SCN9A: variants seen among roughly 807,000 people sequenced by gnomAD.
SCN9A encodes the protein sodium voltage-gated channel alpha subunit 9, also known as sodium channel protein type 9 subunit alpha.
A neutral mutation model predicts 187.0 loss-of-function variants in SCN9A; 131 were observed. The ratio of observed to expected loss-of-function variants is 0.70; its 90% CI spans 0.61 to 0.81. The LOEUF (loss-of-function observed/expected upper bound fraction) is 0.81. Among genes scored for constraint, SCN9A ranks in the 30% least tolerant of loss-of-function variants. SCN9A has a pLI of 0.00. For missense variants in SCN9A, 2,252 were observed against 2,396.6 expected (o/e 0.94, Z 1.26); for synonymous variants, 809 against 808.6 (o/e 1.00, Z -0.01).
Position 166,230,110 on chromosome 2 carries a change from G to A in SCN9A, c.3925-1138C>T, listed in dbSNP as rs191686421. ...TTTAGGCTTTGTGGGTTATATCTCC[G>A]TTGCAACTATTCAACTCTGCCATGG... On this transcript the variant is annotated intron_variant, in intron 21 of 26. Transcript: ENST00000642356. Among the ~76,000 whole-genome samples, 22 of 152,148 alleles carry A rather than the reference G, an allele frequency of 1.4e-4. No individual in the cohort carries two copies. The East Asian group carries it at 1.5e-3, about 11-fold the overall frequency.
At chr2:166,227,420 T>G (rs1157326353) in intron 23 of SCN9A, among the ~76,000 whole-genome samples, 5 of 152,144 alleles carry the variant, frequency 3.3e-5, no homozygotes, top group Non-Finnish European at 7.4e-5. Context: ...ACAAATAAAC[T>G]AAGTCTCAAG....
chr2:166,205,898 C>G (rs185022848), intron 24 of SCN9A, among the ~76,000 whole-genome samples: 2,119 of 152,244 alleles, frequency 0.014, 22 homozygotes, highest in Non-Finnish European at 0.021. Context: ...ATGCAGCCAA[C>G]AGACATATGA....
intron 24 of SCN9A, among the ~76,000 whole-genome samples, chr2:166,208,646 T>C (rs2106354302): frequency 1.3e-5 from 2 of 150,876 alleles, no homozygotes; most frequent in South Asian, 4.2e-4. Flanking sequence ...CATGAAATCA[T>C]TAGAGGTGAA....
intron 6 of SCN9A, chr2:166,303,912 ATAAT>A: frequency 9.5e-7 from 1 of 1,050,306 alleles, no homozygotes; most frequent in South Asian, 1.5e-5. Flanking sequence ...TTGACTTTTG[ATAAT>A]GATTGTGGAA....
At chr2:166,330,478 T>C (rs1308030695) in intron 1 of SCN9A, among the ~76,000 whole-genome samples, 8 of 152,240 alleles carry the variant, frequency 5.3e-5, no homozygotes, top group Non-Finnish European at 1.2e-4. Context: ...CATGTTGTTG[T>C]AAATACATCT....
In SCN9A at chr2:166,255,823, A is replaced by T. The variant is rs567292766; in HGVS notation, c.3352-3938T>A. On this transcript the variant is annotated intron_variant, in intron 17 of 26. Transcript: ENST00000642356. ...GGAGGAGATGGGTATAAAAGAGAAG[A>T]AAAATTATGGCAGACAGTGGTAAAC... Among the ~76,000 whole-genome samples, 12 of 150,616 alleles carry T rather than the reference A, an allele frequency of 8.0e-5. No individual in the cohort carries two copies. The South Asian group carries it at 2.5e-3, about 31-fold the overall frequency.
intron 1 of SCN9A, among the ~76,000 whole-genome samples, chr2:166,364,161 TAA>T (rs58184464): frequency 2.1e-5 from 3 of 145,542 alleles, no homozygotes; most frequent in Admixed American, 6.8e-5. Flanking sequence ...GGTTATTGTT[TAA>T]AAAAAAAAAA....
In SCN9A at chr2:166,284,929, T is replaced by C. The variant is rs1697671427; in HGVS notation, c.1603-105A>G. 8.2e-6 allele frequency: 10 copies of C among 1,225,600 alleles called. No homozygotes were observed. The Admixed American group carries it at 1.4e-4, about 18-fold the overall frequency. The allele number at this position is 1,225,600 out of a possible 1,614,324, so 75.9% of individuals were successfully genotyped here. On this transcript the variant is annotated intron_variant, in intron 11 of 26. Coordinates refer to ENST00000642356, the MANE Select transcript of SCN9A (RefSeq NM_001365536.1). ...ACTGGCCTGAGGGCAGGTGGCTCTG[T>C]ACTGACTTAAAAGAAACATACTTAA...
intron 9 of SCN9A, among the ~76,000 whole-genome samples, chr2:166,292,346 T>C (rs1698112044): frequency 6.6e-6 from 1 of 152,150 alleles, no homozygotes; most frequent in Non-Finnish European, 1.5e-5. Context: ...TTACCTCTGA[T>C]GAAAAATTAT....
At chr2:166,241,655 G>T (rs986021903) in intron 19 of SCN9A, among the ~76,000 whole-genome samples, 3 of 141,116 alleles carry the variant, frequency 2.1e-5, no homozygotes, top group Non-Finnish European at 4.6e-5. Context: ...ACCCTGAAAA[G>T]CACCATTTAC....
chr2:166,352,728 A>G (rs1214527410), intron 1 of SCN9A, among the ~76,000 whole-genome samples: 1 of 152,218 alleles, frequency 6.6e-6, no homozygotes, highest in Admixed American at 6.5e-5. Flanking sequence ...ATAAGAAGAT[A>G]TTGAGACTTC....
At chr2:166,199,974 AGTTTTTTTTTTTTTTTT>A in intron 26 of SCN9A, 110 bp from the exon 27 acceptor site, 5 of 97,554 alleles carry the variant, frequency 5.1e-5, no homozygotes, top group Non-Finnish European at 6.5e-5. Context: ...AATTCAAGAC[AGTTTTTTTTTTTTTTTT>A]TTTTTTTTTT....
chr2:166,320,715 C>A (rs1187388919), intron 1 of SCN9A, among the ~76,000 whole-genome samples: 1 of 152,088 alleles, frequency 6.6e-6, no homozygotes. Flanking sequence ...TACCAATAAC[C>A]CACAACACAA....
chr2:166,241,720 C>A (rs10930212), intron 19 of SCN9A, among the ~76,000 whole-genome samples: 1 of 151,998 alleles, frequency 6.6e-6, no homozygotes, highest in Non-Finnish European at 1.5e-5. Flanking sequence ...GTCACATTTA[C>A]ACTTTGCTTA....
chr2:166,253,067 G>A (rs967172129), intron 17 of SCN9A, among the ~76,000 whole-genome samples: 27 of 151,862 alleles, frequency 1.8e-4, no homozygotes, highest in Admixed American at 1.3e-4. Context: ...CTATGAATTT[G>A]TATTAATATG....
intron 24 of SCN9A, among the ~76,000 whole-genome samples, chr2:166,224,816 C>A (rs558327022): frequency 4.6e-5 from 7 of 152,232 alleles, no homozygotes; most frequent in Non-Finnish European, 1.0e-4. Context: ...AAAAGCAATT[C>A]TGGAGCTAGA....
intron 24 of SCN9A, among the ~76,000 whole-genome samples, chr2:166,211,442 G>T (rs1356276298): frequency 6.6e-6 from 1 of 151,974 alleles, no homozygotes; most frequent in Non-Finnish European, 1.5e-5. Flanking sequence ...CAACACAAGA[G>T]CATATGAAAG....
At position 166,242,679 on chromosome 2, in the gene SCN9A, T is replaced by C. The variant is rs1294183604; in HGVS notation, c.3473-23A>G. Reference sequence around the variant, plus strand: ...AACCTGACAAGAAAGACATGCATGTTAAATCTTGATATTCAGAATAAATAA... The same window carrying C: ...AACCTGACAAGAAAGACATGCATGTCAAATCTTGATATTCAGAATAAATAA... On this transcript the variant is annotated intron_variant, in intron 18 of 26. Transcript: ENST00000642356. 4 of 1,517,826 alleles carry C rather than the reference T, an allele frequency of 2.6e-6. No homozygotes were observed. The Admixed American group carries it at 8.2e-5, about 31-fold the overall frequency. 94.0% of individuals were successfully genotyped at this position (1,517,826 alleles called of 1,614,324 possible).
At chr2:166,273,374 A>T (rs1454438285) in intron 16 of SCN9A, among the ~76,000 whole-genome samples, 2 of 152,174 alleles carry the variant, frequency 1.3e-5, no homozygotes, top group Non-Finnish European at 2.9e-5. Context: ...TAACAAATGG[A>T]ACACATAATA....
Sources: allele counts gnomAD v4.1 joint callset (sites outside exome capture counted in the v4.1 genomes callset), GRCh38; gene constraint gnomAD v4.1.1; transcripts MANE v1.5; gene names NCBI Gene and HGNC (gene_info 2026-07-23, HGNC 2026-07-21).